NOP9: variants seen among roughly 807,000 people sequenced by gnomAD.
NOP9 encodes the protein NOP9 nucleolar protein, also known as nucleolar protein 9.
NOP9 carries 50 observed loss-of-function variants against 63.0 expected under a neutral mutation model. That is an observed-to-expected ratio of 0.79 (90% CI 0.63 to 1.00). The LOEUF (loss-of-function observed/expected upper bound fraction) is 1.00, where lower values mean the gene tolerates loss of function less well. Ranked by LOEUF, NOP9 falls within the 50% of genes least tolerant of loss-of-function variation. The pLI, the probability that NOP9 is intolerant of heterozygous loss-of-function variation, is 0.00. For synonymous variants in NOP9, 343 were observed against 332.8 expected (o/e 1.03, Z -0.33); for missense variants, 758 against 803.0 (o/e 0.94, Z 0.68).
At chr14:24,302,454 T>C in intron 5 of NOP9, 30 bp downstream of exon 5, 1 of 1,582,644 alleles carries the variant, frequency 6.3e-7, no homozygotes, top group East Asian at 2.3e-5. Flanking sequence ...TGGATCTGTT[T>C]CTGCTAATTC....
At chr14:24,304,373 G>T in intron 8 of NOP9, 96 bp downstream of exon 8, 2 of 1,296,310 alleles carry the variant, frequency 1.5e-6, no homozygotes, top group South Asian at 1.3e-5. Context: ...AAAAGGCTAT[G>T]TAATTCCTAG....
At chr14:24,279,543 C>T in the NOP9 span, among the ~76,000 whole-genome samples, 1 of 152,184 alleles carries the variant, frequency 6.6e-6, no homozygotes, top group East Asian at 1.9e-4. Context: ...TTCTAACTCT[C>T]CCAGGGTGTG....
At chr14:24,293,857 GACA>G in the NOP9 span, 4 of 152,056 alleles carry the variant, frequency 2.6e-5, no homozygotes, top group Non-Finnish European at 5.9e-5. Flanking sequence ...AAATGTACAA[GACA>G]TAATAGTTAA....
the NOP9 span, among the ~76,000 whole-genome samples, chr14:24,286,212 G>A: frequency 6.6e-6 from 1 of 152,114 alleles, no homozygotes; most frequent in Admixed American, 6.6e-5. Flanking sequence ...CCTGTTGCTG[G>A]TTTCATGGCA....
Position 24,307,413 on chromosome 14 carries a change from C to G in NOP9, c.*2318C>G. The G allele has an allele frequency of 5.0e-6, 8 of 1,613,934 alleles. No homozygotes were observed. Among genetic ancestry groups the G allele is most frequent in the Non-Finnish European group, 6.8e-6 (8 of 1,179,912 alleles). On this transcript the variant is annotated 3_prime_UTR_variant, in exon 10 of 10. Transcript: ENST00000267425. ...GGCGGGTGGCAGCTGTCAGGCCTTTCCGGATGGTCCGCTTGTGATCACAGA... is the reference window on the plus strand; with the variant it reads ...GGCGGGTGGCAGCTGTCAGGCCTTTGCGGATGGTCCGCTTGTGATCACAGA...
rs2041575767 is a variant in NOP9 at position 24,308,060 on chromosome 14, G to A, written c.*2965G>A. ...GGGAGGGATGAGGGAGGGGCCAGATGGGGTCCTGGAGGAAGAATTGCCTGG... is the reference window on the plus strand; with the variant it reads ...GGGAGGGATGAGGGAGGGGCCAGATAGGGTCCTGGAGGAAGAATTGCCTGG... On this transcript the variant is annotated 3_prime_UTR_variant, in exon 10 of 10. Transcript: ENST00000267425. The A allele has an allele frequency of 3.3e-6, 2 of 609,852 alleles. No homozygotes were observed. Among genetic ancestry groups the A allele is most frequent in the South Asian group, 1.9e-5 (1 of 51,958 alleles). 37.8% of individuals were successfully genotyped at this position (609,852 alleles called of 1,614,324 possible). A position where few individuals can be genotyped will look rare whatever the true frequency, so the allele number is the denominator to read the frequency against.
the NOP9 span, among the ~76,000 whole-genome samples, chr14:24,289,229 G>A: frequency 8.6e-5 from 13 of 151,968 alleles, no homozygotes; most frequent in Non-Finnish European, 1.2e-4. Flanking sequence ...TGATCCACCT[G>A]CCTCGGCCTC....
rs1197175356 is a variant in NOP9, at chr14:24,305,046, G to A, written c.1862G>A (p.Gly621Asp). Residue 621 changes from glycine (G) to aspartate (D), a missense_variant, in exon 10 of 10, where the codon GGT (glycine) becomes GAT (aspartate). Gly to Asp is a moderately conservative substitution (Grantham distance 94, BLOSUM62 -1). Transcript: ENST00000267425. Reference sequence around the variant, plus strand: ...CGAGAGGCTTGGGAACAGCAGCAGGGTGCGGTGGCCAAGCGGAGGCGGGCA... The same window carrying A: ...CGAGAGGCTTGGGAACAGCAGCAGGATGCGGTGGCCAAGCGGAGGCGGGCA... The part of the protein sequence containing the change: ...KRREAWEQQQ[G>D]AVAKRRRALN... 6.3e-7 allele frequency: 1 copy of A among 1,599,920 alleles called. No individual in the cohort carries two copies. The highest frequency in any genetic ancestry group is 2.3e-5 in the East Asian group (1 of 43,940).
chr14:24,293,105 A>G, the NOP9 span: 1 of 282,730 alleles, frequency 3.5e-6, no homozygotes, highest in South Asian at 6.0e-5. Context: ...TAGAAAAACT[A>G]TAAAACCATG....
chr14:24,300,735 A>C lies in NOP9; in HGVS notation c.575A>C (p.Asp192Ala). The change falls in exon 2 of 10, where the codon GAT becomes GCT. Residue 192 changes from aspartate to alanine, a missense_variant. Asp to Ala is a moderately radical substitution (Grantham distance 126). Transcript: ENST00000267425. ...CTGGGACTAGCCGCTGAGGTGTGTG[A>C]TGATTTTCTTGTCTACTGTGGAGAC... is the stretch of plus-strand genomic sequence containing the variant. Reference protein sequence around the residue: ...LVLGLAAEVCDDFLVYCGDTH... With the variant: ...LVLGLAAEVCADFLVYCGDTH... The C allele has an allele frequency of 6.2e-7, 1 of 1,614,082 alleles. No individual in the cohort carries two copies. The highest frequency in any genetic ancestry group is 1.3e-5 in the African/African-American group (1 of 74,996).
the NOP9 span, chr14:24,292,888 A>G: frequency 6.9e-7 from 1 of 1,442,790 alleles, no homozygotes; most frequent in African/African-American, 1.4e-5. Context: ...GTTGTCCACT[A>G]GGAAGGCTAC....
chr14:24,296,826 C>T (rs566324526), upstream of NOP9: 10 of 1,614,268 alleles, frequency 6.2e-6, no homozygotes, highest in Admixed American at 1.5e-4. Flanking sequence ...TCGCACTTCA[C>T]TCTCCTGGCT....
intron 8 of NOP9, 71 bp downstream of exon 8, chr14:24,304,348 G>C: frequency 1.4e-6 from 2 of 1,399,662 alleles, no homozygotes; most frequent in East Asian, 4.6e-5. Context: ...TCCCTGGACT[G>C]TACCTTCAGA....
Position 24,305,502 on chromosome 14 carries a change from G to A in NOP9, c.*407G>A. On this transcript the variant is annotated 3_prime_UTR_variant, in exon 10 of 10. Transcript: ENST00000267425. ...ATGCTGAAAGGTTCTGTCACGAGGGGATCAGAGGACAGTGGGGAAATTGGG... is the reference window on the plus strand; with the variant it reads ...ATGCTGAAAGGTTCTGTCACGAGGGAATCAGAGGACAGTGGGGAAATTGGG... 3.6e-6 allele frequency: 4 copies of A among 1,108,408 alleles called. No individual in the cohort carries two copies. Among genetic ancestry groups the A allele is most frequent in the Non-Finnish European group, 5.2e-6 (4 of 771,704 alleles). The allele number at this position is 1,108,408 out of a possible 1,614,324, so 68.7% of individuals were successfully genotyped here.
the NOP9 span, among the ~76,000 whole-genome samples, chr14:24,283,316 A>G: frequency 6.6e-6 from 1 of 152,072 alleles, no homozygotes; most frequent in Non-Finnish European, 1.5e-5. Flanking sequence ...AAGGCCAGGC[A>G]TGGTGGCTCA....
upstream of NOP9, chr14:24,298,992 G>A (rs746955860): frequency 1.9e-6 from 3 of 1,613,230 alleles, no homozygotes; most frequent in Non-Finnish European, 1.7e-6. Flanking sequence ...TCCAGATGGC[G>A]GCCAGTGATG....
At chr14:24,282,827 C>T in the NOP9 span, among the ~76,000 whole-genome samples, 1 of 152,240 alleles carries the variant, frequency 6.6e-6, no homozygotes, top group Non-Finnish European at 1.5e-5. Flanking sequence ...CAGTTCCTCT[C>T]CACTGCTGGC....
chr14:24,295,409 G>A (rs1337419815), upstream of NOP9, among the ~76,000 whole-genome samples: 2 of 152,222 alleles, frequency 1.3e-5, no homozygotes, highest in Non-Finnish European at 2.9e-5. Context: ...AACAAGTAGA[G>A]TTATAGTTTT....
upstream of NOP9, among the ~76,000 whole-genome samples, chr14:24,297,598 C>T (rs538923734): frequency 2.0e-5 from 3 of 152,332 alleles, no homozygotes; most frequent in South Asian, 4.1e-4. Flanking sequence ...CCAGCCAGTA[C>T]GACCTATCTA....
Sources: gnomAD v4.1 joint callset for allele counts (sites outside exome capture counted in the v4.1 genomes callset) on GRCh38, gnomAD v4.1.1 for gene constraint, MANE v1.5 for transcripts, NCBI Gene and HGNC (gene_info 2026-07-23, HGNC 2026-07-21) for gene names.